SFMBT1: variants seen among roughly 807,000 people sequenced by gnomAD.
SFMBT1 encodes the protein Scm like with four mbt domains 1.
In SFMBT1, 32 loss-of-function variants were observed where a neutral mutation model predicts 108.7. The ratio of observed to expected loss-of-function variants is 0.29; its 90% CI spans 0.22 to 0.40. The LOEUF (loss-of-function observed/expected upper bound fraction) is 0.40, where lower values mean the gene tolerates loss of function less well. SFMBT1 is among the 10% of genes least tolerant of loss of function. The pLI, the probability that SFMBT1 is intolerant of heterozygous loss-of-function variation, is 1.00. For missense variants in SFMBT1, 816 were observed against 1,059.6 expected, an observed-to-expected ratio of 0.77 and a Z score of 3.19; for synonymous variants, 348 against 369.5, an observed-to-expected ratio of 0.94 and a Z score of 0.67.
rs143813595 is a variant in SFMBT1, at chr3:52,954,407, G to T, written c.33C>A (p.Ala11=). The T allele has an allele frequency of 1.1e-5, 17 of 1,611,030 alleles. 1 individual carries two copies. The South Asian group carries it at 1.8e-4, about 17-fold the overall frequency. The change falls in exon 3 of 21, where the codon GCC becomes GCA. Residue 11 remains alanine (A), a synonymous_variant. Coordinates refer to ENST00000394752, the MANE Select transcript of SFMBT1 (RefSeq NM_016329.4). ...ATTCTACCTCTTCCATACCAGAGCC[G>T]GCATCTAGAATTAAAAATAAAACAA... is the stretch of plus-strand genomic sequence containing the variant. MNGEQQLDAD[A]GSGMEEVELS...
At chr3:53,025,932 A>G (rs990996726) in intron 1 of SFMBT1, among the ~76,000 whole-genome samples, 36 of 152,326 alleles carry the variant, frequency 2.4e-4, no homozygotes, top group African/African-American at 8.4e-4. Context: ...AATTATTGTC[A>G]GCACTTGAAA....
chr3:52,983,389 G>T (rs1175482780), intron 1 of SFMBT1, among the ~76,000 whole-genome samples: 1 of 152,134 alleles, frequency 6.6e-6, no homozygotes, highest in African/African-American at 2.4e-5. Context: ...TGTTATTGTG[G>T]TAAGGCTTCT....
chr3:53,017,599 C>T (rs1699169066), intron 1 of SFMBT1, among the ~76,000 whole-genome samples: 1 of 152,164 alleles, frequency 6.6e-6, no homozygotes, highest in Admixed American at 6.5e-5. Context: ...AGGACTGCAA[C>T]ATGAAGCACT....
chr3:52,906,824 TTTG>T (rs1301635922), intron 19 of SFMBT1, among the ~76,000 whole-genome samples: 3 of 152,176 alleles, frequency 2.0e-5, no homozygotes, highest in African/African-American at 7.2e-5. Context: ...TGGGGCTTTT[TTTG>T]TTGTTGTTGT....
At chr3:52,975,000 G>GT (rs1704472087) in intron 1 of SFMBT1, among the ~76,000 whole-genome samples, 1 of 150,180 alleles carries the variant, frequency 6.7e-6, no homozygotes, top group African/African-American at 2.5e-5. Context: ...GCAAGACCCT[G>GT]TATCAGAAAA....
At chr3:53,007,099 C>T (rs1431243586) in intron 1 of SFMBT1, among the ~76,000 whole-genome samples, 1 of 152,222 alleles carries the variant, frequency 6.6e-6, no homozygotes, top group Non-Finnish European at 1.5e-5. Flanking sequence ...GGGTGAGGAG[C>T]ACATCCCCTC....
chr3:53,032,576 A>T (rs1699723735), intron 1 of SFMBT1, among the ~76,000 whole-genome samples: 1 of 152,218 alleles, frequency 6.6e-6, no homozygotes, highest in Admixed American at 6.5e-5. Flanking sequence ...ATCTCATTAA[A>T]CATAATCATT....
chr3:52,926,113 C>T lies in SFMBT1; in HGVS notation c.1049G>A (p.Gly350Asp). The T allele has an allele frequency of 6.2e-7, 1 of 1,605,476 alleles. No homozygotes were observed. The highest frequency in any genetic ancestry group is 8.5e-7 in the Non-Finnish European group (1 of 1,176,410). Residue 350 changes from glycine to aspartate, a missense_variant and splice_region_variant, in exon 10 of 21, where the codon GGC (glycine) becomes GAC (aspartate). Transcript: ENST00000394752. Reference sequence around the variant, plus strand: ...CCAGTCAAAGTCCTGGCTTGGGTAGCCTAGGTGGGGACAAATGAACAATGA... The same window carrying T: ...CCAGTCAAAGTCCTGGCTTGGGTAGTCTAGGTGGGGACAAATGAACAATGA... ...KNGLHISPPPGYPSQDFDWAD... is the reference protein window; with the variant it reads ...KNGLHISPPPDYPSQDFDWAD...
chr3:52,917,029 A>T (rs540594803), intron 13 of SFMBT1, among the ~76,000 whole-genome samples: 2 of 152,222 alleles, frequency 1.3e-5, no homozygotes, highest in Non-Finnish European at 2.9e-5. Flanking sequence ...AGGCTAATTT[A>T]TCTTTTAGAA....
chr3:53,021,378 T>C (rs1699300780), intron 1 of SFMBT1, among the ~76,000 whole-genome samples: 1 of 152,176 alleles, frequency 6.6e-6, no homozygotes, highest in Non-Finnish European at 1.5e-5. Context: ...GAAAGCAAAA[T>C]GTTAAAGCTG....
rs1702063345 is a variant in SFMBT1 at position 52,906,253 on chromosome 3, A to C, written c.2332-12T>G. 6.2e-7 allele frequency: 1 copy of C among 1,613,962 alleles called. No homozygotes were observed. ...TCGATCCTTATTTCCTTCATTCCCC[A>C]CAACACAATCAAACCAAATGGTGTT... On this transcript the variant is annotated splice_polypyrimidine_tract_variant and intron_variant, in intron 19 of 20. Coordinates refer to ENST00000394752, the MANE Select transcript of SFMBT1 (RefSeq NM_016329.4).
chr3:52,910,821 A>T (rs1035034794), intron 17 of SFMBT1, among the ~76,000 whole-genome samples, 182 bp downstream of exon 17: 3 of 152,242 alleles, frequency 2.0e-5, no homozygotes, highest in African/African-American at 7.2e-5. Context: ...AACACAACAC[A>T]TAGAAAAAGA....
rs1702908679 is a variant in SFMBT1, at chr3:52,933,108, T to G, written c.454-800A>C. Among the ~76,000 whole-genome samples the G allele has an allele frequency of 2.0e-5, 3 of 152,300 alleles. 1 individual carries two copies. The South Asian group carries it at 6.2e-4, about 32-fold the overall frequency. Reference sequence around the variant, plus strand: ...ACCTCTGCCAGTCTGTCTGTTCCTATTTTTTGAAAAATGGAAACACTGTAT... The same window carrying G: ...ACCTCTGCCAGTCTGTCTGTTCCTAGTTTTTGAAAAATGGAAACACTGTAT... On this transcript the variant is annotated intron_variant, in intron 5 of 20. Coordinates refer to ENST00000394752, the MANE Select transcript of SFMBT1 (RefSeq NM_016329.4).
intron 1 of SFMBT1, among the ~76,000 whole-genome samples, chr3:52,991,041 G>A (rs1169279863): frequency 6.6e-6 from 1 of 151,800 alleles, no homozygotes; most frequent in Non-Finnish European, 1.5e-5. Flanking sequence ...AGTATCTTCA[G>A]CAACTATACC....
At chr3:52,991,342 C>CTTTTTTTTTTTTTTTTTTTT (rs71087045) in intron 1 of SFMBT1, among the ~76,000 whole-genome samples, 1 of 91,218 alleles carries the variant, frequency 1.1e-5, no homozygotes, top group Non-Finnish European at 2.2e-5. Flanking sequence ...GCTGAAACTT[C>CTTTTTTTTTTTTTTTTTTTT]TTTTTTTTTT....
chr3:52,971,549 T>C (rs552856197), intron 1 of SFMBT1, among the ~76,000 whole-genome samples: 1 of 152,222 alleles, frequency 6.6e-6, no homozygotes, highest in African/African-American at 2.4e-5. Context: ...TTCATCCCCA[T>C]ATACTTATCA....
At chr3:53,015,559 A>G (rs2106934853) in intron 1 of SFMBT1, among the ~76,000 whole-genome samples, 1 of 152,360 alleles carries the variant, frequency 6.6e-6, no homozygotes, top group Middle Eastern at 3.4e-3. Context: ...TGAGTAGATA[A>G]ATAAGATGTG....
chr3:52,965,756 T>G (rs903350707), intron 2 of SFMBT1, among the ~76,000 whole-genome samples: 11 of 150,464 alleles, frequency 7.3e-5, no homozygotes, highest in Non-Finnish European at 1.5e-4. Flanking sequence ...CCTGTAATCC[T>G]AGCACTTTGG....
chr3:52,921,591 G>T, intron 11 of SFMBT1, 114 bp downstream of exon 11: 1 of 1,206,536 alleles, frequency 8.3e-7, no homozygotes, highest in South Asian at 1.7e-5. Flanking sequence ...AAAAGTCTCT[G>T]AACAAGATCC....
Sources: allele counts gnomAD v4.1 joint callset (sites outside exome capture counted in the v4.1 genomes callset), GRCh38; gene constraint gnomAD v4.1.1; transcripts MANE v1.5; gene names NCBI Gene and HGNC (gene_info 2026-07-23, HGNC 2026-07-21).